Variants in APC observed in about 807,000 individuals in gnomAD.
APC encodes adenomatous polyposis coli protein.
A neutral mutation model predicts 247.0 loss-of-function variants in APC; 72 were observed. The ratio of observed to expected loss-of-function variants is 0.29; its 90% CI spans 0.24 to 0.35. The LOEUF is 0.35. APC is among the 10% of genes least tolerant of loss of function. The pLI, the probability that APC is intolerant of heterozygous loss-of-function variation, is 1.00. For synonymous variants in APC, 1,254 were observed against 1,162.5 expected, an observed-to-expected ratio of 1.08 and a Z score of -1.60; for missense variants, 3,400 against 3,360.7, an observed-to-expected ratio of 1.01 and a Z score of -0.29.
chr5:112,810,992 T>C (rs532958046), intron 8 of APC, among the ~76,000 whole-genome samples: 5 of 151,396 alleles, frequency 3.3e-5, no homozygotes, highest in African/African-American at 1.2e-4. Context: ...GCCACTGCAC[T>C]CCAGCCTGGG....
chr5:112,732,697 T>C (rs1240531753), intron 1 of APC, among the ~76,000 whole-genome samples: 3 of 152,170 alleles, frequency 2.0e-5, no homozygotes, highest in Non-Finnish European at 4.4e-5. Flanking sequence ...CTTGGGATTT[T>C]AATAGTCAGG....
Position 112,819,077 on chromosome 5 carries a change from C to A in APC, c.1045C>A (p.Gln349Lys). ...SSQDSCISMR[Q>K]SGCLPLLIQL... ...CCAAGACAGCTGTATATCCATGCGA[C>A]AGTCTGGATGTCTTCCTCTCCTCAT... The change falls in exon 10 of 16, where the codon CAG (glutamine) becomes AAG (lysine). Residue 349 changes from glutamine (Q) to lysine (K), a missense_variant. By Grantham distance (53) the Gln-to-Lys change is moderately conservative (BLOSUM62 1). This residue lies in a region of APC where 199 missense variants were observed against 212.5 expected (regional missense o/e 0.94). Coordinates refer to ENST00000257430, the MANE Select transcript of APC (RefSeq NM_000038.6). 1 of 1,614,098 alleles carries A rather than the reference C, an allele frequency of 6.2e-7. No individual in the cohort carries two copies.
chr5:112,749,581 G>T (rs980880680), intron 1 of APC, among the ~76,000 whole-genome samples: 1 of 140,690 alleles, frequency 7.1e-6, no homozygotes, highest in Non-Finnish European at 1.5e-5. Context: ...TCCACCTCCC[G>T]TGTTCAAGCG....
rs2149712555 is a variant in APC, at chr5:112,801,380, T to C, written c.831T>C (p.Gly277=). The C allele has an allele frequency of 6.3e-7, 1 of 1,597,216 alleles. No homozygotes were observed. The highest frequency in any genetic ancestry group is 8.6e-7 in the Non-Finnish European group (1 of 1,166,446). ...GEINMATSGN[G]QGSTTRMDHE... ...TCAACATGGCAACTTCTGGTAATGG[T>C]CAGGTAAATAAATTATTTTATCATA... Residue 277 remains glycine, a synonymous_variant, in exon 8 of 16, where the codon GGT becomes GGC. Transcript: ENST00000257430.
At chr5:112,757,540 C>T (rs1755124811) in intron 2 of APC, among the ~76,000 whole-genome samples, 1 of 152,028 alleles carries the variant, frequency 6.6e-6, no homozygotes, top group African/African-American at 2.4e-5. Context: ...TGAGACCAGC[C>T]TGGGCAACAT....
chr5:112,797,759 C>T (rs926021854), intron 7 of APC, among the ~76,000 whole-genome samples: 3 of 152,090 alleles, frequency 2.0e-5, no homozygotes, highest in African/African-American at 7.2e-5. Context: ...TACAACTCAC[C>T]TTTTAAGTGG....
rs1060504874 is a variant in APC, at chr5:112,780,867, A to G, written c.609A>G (p.Gln203=). The change falls in exon 6 of 16, where the codon CAA becomes CAG. Residue 203 remains glutamine (Q), a synonymous_variant. Coordinates refer to ENST00000257430, the MANE Select transcript of APC (RefSeq NM_000038.6). ...AAATCAGAGTTGCGATGGAAGAACA[A>G]CTAGGTACCTGCCAGGATATGGAAA... ...ARQIRVAMEE[Q]LGTCQDMEKR... 5 of 1,613,080 alleles carry G rather than the reference A, an allele frequency of 3.1e-6. No homozygotes were observed. Among genetic ancestry groups the G allele is most frequent in the South Asian group, 1.1e-5 (1 of 90,998 alleles).
rs149353082 is a variant in APC at position 112,838,972 on chromosome 5, C to T, written c.3378C>T (p.Ser1126=). The T allele has an allele frequency of 1.2e-6, 2 of 1,613,926 alleles. No individual in the cohort carries two copies. The highest frequency in any genetic ancestry group is 1.7e-6 in the Non-Finnish European group (2 of 1,179,990). ...GSNHGINQNV[S]QSLCQEDDYE... ...ATCATGGAATTAATCAAAATGTAAGCCAGTCTTTGTGTCAAGAAGATGACT... is the reference window on the plus strand; with the variant it reads ...ATCATGGAATTAATCAAAATGTAAGTCAGTCTTTGTGTCAAGAAGATGACT... The change falls in exon 16 of 16, where the codon AGC becomes AGT. Residue 1126 remains serine, a synonymous_variant. Transcript: ENST00000257430.
chr5:112,740,652 G>A (rs1752907354), intron 1 of APC, among the ~76,000 whole-genome samples: 1 of 150,488 alleles, frequency 6.6e-6, no homozygotes, highest in African/African-American at 2.4e-5. Flanking sequence ...CAGCCCTCCA[G>A]GTAGCAGGGA....
rs534955627 is a variant in APC, at chr5:112,775,418, GA to G, written c.423-204del. On this transcript the variant is annotated intron_variant, in intron 4 of 15. Transcript: ENST00000257430. ...TTAAGGATGATTACCAGTTTATTTA[GA>G]AAAAAAGTTCTTTTTAATACTCTAA... 3.2e-4 allele frequency among the ~76,000 whole-genome samples: 48 copies of G among 151,808 alleles called. 1 individual carries two copies. The South Asian group carries it at 5.2e-3, about 16-fold the overall frequency.
chr5:112,811,607 T>C (rs1470891967), intron 8 of APC, among the ~76,000 whole-genome samples: 1 of 152,160 alleles, frequency 6.6e-6, no homozygotes, highest in Non-Finnish European at 1.5e-5. Flanking sequence ...AGGAGCTATA[T>C]AGGAAGATAA....
chr5:112,744,329 C>T (rs1156407700), intron 1 of APC, among the ~76,000 whole-genome samples: 1 of 152,166 alleles, frequency 6.6e-6, no homozygotes, highest in Non-Finnish European at 1.5e-5. Flanking sequence ...GTTGTCTGCC[C>T]TCTGTGGCTG....
chr5:112,714,654 A>T (rs1751053049), intron 1 of APC, among the ~76,000 whole-genome samples: 1 of 152,260 alleles, frequency 6.6e-6, no homozygotes, highest in Non-Finnish European at 1.5e-5. Flanking sequence ...TAGTAAAATG[A>T]AAAATATTTT....
intron 7 of APC, among the ~76,000 whole-genome samples, chr5:112,795,136 C>G (rs1040206989): frequency 6.6e-6 from 1 of 152,176 alleles, no homozygotes; most frequent in African/African-American, 2.4e-5. Context: ...AAGCGATTCT[C>G]CTGCCTCAGC....
chr5:112,806,197 G>T (rs562613623), intron 8 of APC, among the ~76,000 whole-genome samples: 13 of 152,170 alleles, frequency 8.5e-5, no homozygotes, highest in Non-Finnish European at 1.6e-4. Flanking sequence ...ACTACCATAG[G>T]CTGTCACAGC....
In APC at chr5:112,774,677, A is replaced by G. The variant is rs369645268; in HGVS notation, c.423-952A>G. Among the ~76,000 whole-genome samples the G allele has an allele frequency of 1.2e-3, 175 of 151,652 alleles. 4 individuals carry two copies. In the South Asian group the frequency reaches 0.034, roughly 30 times the overall value. The stretch of plus-strand genomic sequence containing the variant: ...GGATTTTGGGGTTTGGGTTTTCATC[A>G]TGTTGCCCAGGCTGGTATTGAACTC... On this transcript the variant is annotated intron_variant, in intron 4 of 15. Transcript: ENST00000257430.
At chr5:112,763,561 A>T (rs1340299334) in intron 2 of APC, among the ~76,000 whole-genome samples, 1 of 152,118 alleles carries the variant, frequency 6.6e-6, no homozygotes, top group Non-Finnish European at 1.5e-5. Flanking sequence ...AAAGACCATT[A>T]ATGTACCATT....
rs2149959620 is a variant in APC at position 112,841,799 on chromosome 5, G to C, written c.6205G>C (p.Gly2069Arg). The change falls in exon 16 of 16, where the codon GGT becomes CGT. Residue 2069 changes from glycine (G) to arginine (R), a missense_variant. Around this residue, in one of 9 missense-constraint regions of APC, gnomAD observed 1,788 missense variants for 1,649.5 expected, o/e 1.08. Transcript: ENST00000257430. This position sits in a 1 kb window ranked among gnomAD's most constrained non-coding sequence, Gnocchi z 4.6. Reference sequence around the variant, plus strand: ...TGAAAAACATAGTCCCAGAAATATGGGTGGCATATTAGGTGAAGATCTGAC... The same window carrying C: ...TGAAAAACATAGTCCCAGAAATATGCGTGGCATATTAGGTGAAGATCTGAC... ...DNEKHSPRNM[G>R]GILGEDLTLD... 1 of 1,613,988 alleles carries C rather than the reference G, an allele frequency of 6.2e-7. No homozygotes were observed. The highest frequency in any genetic ancestry group is 8.5e-7 in the Non-Finnish European group (1 of 1,179,938).
intron 1 of APC, among the ~76,000 whole-genome samples, chr5:112,722,091 G>C (rs1751513176): frequency 6.6e-6 from 1 of 152,158 alleles, no homozygotes; most frequent in Non-Finnish European, 1.5e-5. Context: ...AGAAAGTGGT[G>C]TCATCTGATT....
Sources: allele counts gnomAD v4.1 joint callset (sites outside exome capture counted in the v4.1 genomes callset), GRCh38; gene constraint gnomAD v4.1.1; regional missense constraint gnomAD v4.1.1; non-coding constraint Gnocchi (gnomAD v3.1); transcripts MANE v1.5; gene names NCBI Gene and HGNC (gene_info 2026-07-23, HGNC 2026-07-21).